Variants in C16orf96 observed in about 807,000 individuals in gnomAD.
C16orf96 encodes the protein chromosome 16 open reading frame 96.
A neutral mutation model predicts 103.6 loss-of-function variants in C16orf96; 108 were observed. That is an observed-to-expected ratio of 1.04 (90% CI 0.89 to 1.22). The LOEUF is 1.22. C16orf96 is among the 50% of genes most tolerant of loss of function. C16orf96 has a pLI of 0.00. For missense variants in C16orf96, 1,586 were observed against 1,464.2 expected, an observed-to-expected ratio of 1.08 and a Z score of -1.36; for synonymous variants, 566 against 593.5, an observed-to-expected ratio of 0.95 and a Z score of 0.67.
At chr16:4,551,393 G>A (rs540424208), upstream of C16orf96, among the ~76,000 whole-genome samples, 4 of 152,282 alleles carry the variant, frequency 2.6e-5, no homozygotes, top group South Asian at 8.3e-4. Flanking sequence ...GTCACCCAAG[G>A]ATAACCACTC....
the C16orf96 span, among the ~76,000 whole-genome samples, chr16:4,545,107 T>C: frequency 6.6e-6 from 1 of 152,150 alleles, no homozygotes; most frequent in Non-Finnish European, 1.5e-5. Flanking sequence ...CAGACATTAG[T>C]TGGGTGCTCC....
upstream of C16orf96, among the ~76,000 whole-genome samples, chr16:4,552,285 C>T (rs557744740): frequency 5.9e-5 from 9 of 152,150 alleles, no homozygotes; most frequent in African/African-American, 1.9e-4. Context: ...AGCTCGAGAC[C>T]AGCCTGGGCA....
chr16:4,592,402 G>C, intron 11 of C16orf96, 35 bp downstream of exon 11: 5 of 1,550,594 alleles, frequency 3.2e-6, no homozygotes, highest in Non-Finnish European at 4.4e-6. Flanking sequence ...CCGGCCCTAA[G>C]GGCTTGTGGG....
chr16:4,558,704 G>T (rs2059294562), intron 1 of C16orf96, among the ~76,000 whole-genome samples: 1 of 151,812 alleles, frequency 6.6e-6, no homozygotes, highest in African/African-American at 2.4e-5. Context: ...CACCTGAGGT[G>T]AGGAGTTCGA....
At chr16:4,559,497 G>A (rs2059304693) in intron 1 of C16orf96, among the ~76,000 whole-genome samples, 2 of 151,964 alleles carry the variant, frequency 1.3e-5, no homozygotes, top group South Asian at 4.2e-4. Context: ...GTTCTAGTGG[G>A]CGGAGATTGC....
At chr16:4,576,915 G>T (rs1242461389) in intron 5 of C16orf96, among the ~76,000 whole-genome samples, 1 of 152,194 alleles carries the variant, frequency 6.6e-6, no homozygotes, top group African/African-American at 2.4e-5. Flanking sequence ...CTTGTGGCCA[G>T]GCGTGGTGGC....
At position 4,587,022 on chromosome 16, in the gene C16orf96, T is replaced by G; in HGVS notation, c.2353-17T>G. The G allele has an allele frequency of 6.5e-7, 1 of 1,550,166 alleles. No individual in the cohort carries two copies. The stretch of plus-strand genomic sequence containing the variant: ...GGCTCTCCAGGATGGCAGACATGCC[T>G]GTGCTTCTGTTCTTAGACTCTCCAG... On this transcript the variant is annotated splice_polypyrimidine_tract_variant and intron_variant, in intron 7 of 15. Transcript: ENST00000444310.
At chr16:4,547,306 T>A in the C16orf96 span, among the ~76,000 whole-genome samples, 2 of 152,094 alleles carry the variant, frequency 1.3e-5, no homozygotes, top group African/African-American at 4.8e-5. Context: ...CCAGCTAATT[T>A]TTGTATTTAT....
intron 1 of C16orf96, among the ~76,000 whole-genome samples, chr16:4,565,649 C>T (rs1488531230): frequency 6.6e-6 from 1 of 152,264 alleles, no homozygotes; most frequent in Non-Finnish European, 1.5e-5. Flanking sequence ...CCACCACACC[C>T]GGCTAATTTT....
chr16:4,575,006 A>G lies in C16orf96; in HGVS notation c.641A>G (p.Lys214Arg). The G allele has an allele frequency of 6.4e-7, 1 of 1,551,470 alleles. No homozygotes were observed. The highest frequency in any genetic ancestry group is 2.4e-5 in the East Asian group (1 of 40,924). ...CAGAATAAGTTTAAAACCATCCCCA[A>G]AACCGAGGACATGGTGCTCTGGAGT... is the stretch of plus-strand genomic sequence containing the variant. ...SLQNKFKTIP[K>R]TEDMVLWSGL... The change falls in exon 4 of 16, where the codon AAA (lysine) becomes AGA (arginine). Residue 214 changes from lysine (K) to arginine (R), a missense_variant. By Grantham distance (26) the Lys-to-Arg change is conservative. Transcript: ENST00000444310.
At chr16:4,552,149 A>G (rs907205719), upstream of C16orf96, among the ~76,000 whole-genome samples, 4 of 152,182 alleles carry the variant, frequency 2.6e-5, no homozygotes, top group Non-Finnish European at 5.9e-5. Flanking sequence ...TTCATACAGC[A>G]TGAACCCTTT....
At chr16:4,580,211 A>G in intron 7 of C16orf96, 86 bp downstream of exon 7, 2 of 1,067,628 alleles carry the variant, frequency 1.9e-6, no homozygotes, top group South Asian at 1.8e-5. Context: ...AAGGTTCTGC[A>G]TGAGGTGGGG....
intron 14 of C16orf96, among the ~76,000 whole-genome samples, chr16:4,595,287 G>A (rs538701496): frequency 2.6e-4 from 39 of 152,182 alleles, no homozygotes; most frequent in Non-Finnish European, 4.1e-4. Flanking sequence ...AGCTCAGGAC[G>A]CCGAGTCTCC....
chr16:4,549,404 C>CA, the C16orf96 span, among the ~76,000 whole-genome samples: 4 of 146,790 alleles, frequency 2.7e-5, no homozygotes, highest in African/African-American at 1.0e-4. Flanking sequence ...ACCTGGGAGG[C>CA]GGAGCTCGCA....
chr16:4,594,291 C>A (rs1231880954), intron 12 of C16orf96, 60 bp from the exon 13 acceptor site: 25 of 1,516,054 alleles, frequency 1.6e-5, no homozygotes, highest in Non-Finnish European at 2.1e-5. Flanking sequence ...CCTTGGGGCC[C>A]GTCCTGGGCT....
chr16:4,576,713 T>G (rs927559199), intron 5 of C16orf96, 78 bp downstream of exon 5: 4 of 1,346,198 alleles, frequency 3.0e-6, no homozygotes, highest in Non-Finnish European at 4.0e-6. Context: ...TGTCCTGTCC[T>G]TCACTGGGCT....
upstream of C16orf96, among the ~76,000 whole-genome samples, chr16:4,556,322 C>G (rs905394006): frequency 1.4e-4 from 22 of 152,184 alleles, no homozygotes; most frequent in African/African-American, 5.3e-4. Context: ...ACCAGAGACT[C>G]TGATCTGAGC....
At position 4,571,064 on chromosome 16, in the gene C16orf96, C is replaced by T. The variant is rs530101282; in HGVS notation, c.421-497C>T. ...AGCTGGGCGTGGTGATGCACACCTG[C>T]GGTCTCAGCTACTTGGGAGGTTGAG... is the stretch of plus-strand genomic sequence containing the variant. On this transcript the variant is annotated intron_variant, in intron 1 of 15. Transcript: ENST00000444310. Among the ~76,000 whole-genome samples, 15 of 152,188 alleles carry T rather than the reference C, an allele frequency of 9.9e-5. No homozygotes were observed. In the South Asian group the frequency reaches 1.5e-3, roughly 15 times the overall value.
chr16:4,544,353 C>G, the C16orf96 span, among the ~76,000 whole-genome samples: 1 of 152,266 alleles, frequency 6.6e-6, no homozygotes, highest in Admixed American at 6.5e-5. Context: ...CTCATGTAAT[C>G]CAAGAACTTT....
Sources: gnomAD v4.1 joint callset for allele counts (sites outside exome capture counted in the v4.1 genomes callset) on GRCh38, gnomAD v4.1.1 for gene constraint, MANE v1.5 for transcripts, NCBI Gene and HGNC (gene_info 2026-07-23, HGNC 2026-07-21) for gene names.